Variants in GALNT1 observed in about 807,000 individuals in gnomAD.
GALNT1 encodes the protein polypeptide N-acetylgalactosaminyltransferase 1.
Under a neutral mutation model 65.7 loss-of-function variants are expected in GALNT1, and 17 were observed. The ratio of observed to expected loss-of-function variants is 0.26; its 90% CI spans 0.18 to 0.39. GALNT1 has a LOEUF of 0.39. GALNT1 is among the 10% of genes least tolerant of loss of function. The pLI, the probability that GALNT1 is intolerant of heterozygous loss-of-function variation, is 1.00. For synonymous variants in GALNT1, 210 were observed against 219.7 expected, an observed-to-expected ratio of 0.96 and a Z score of 0.39; for missense variants, 460 against 672.8, an observed-to-expected ratio of 0.68 and a Z score of 3.50.
At chr18:35,639,328 T>A (rs1027422958) in intron 1 of GALNT1, among the ~76,000 whole-genome samples, 2 of 152,120 alleles carry the variant, frequency 1.3e-5, no homozygotes, top group African/African-American at 4.8e-5. Context: ...AGCAAAAAAA[T>A]TACGATTCGC....
At chr18:35,615,710 T>C (rs2046775601) in intron 1 of GALNT1, among the ~76,000 whole-genome samples, 1 of 152,326 alleles carries the variant, frequency 6.6e-6, no homozygotes, top group Non-Finnish European at 1.5e-5. Flanking sequence ...TACGCATACA[T>C]ACGTAAGTGT....
intron 1 of GALNT1, among the ~76,000 whole-genome samples, chr18:35,584,376 T>C (rs965941168): frequency 2.0e-5 from 3 of 152,230 alleles, no homozygotes; most frequent in Non-Finnish European, 4.4e-5. Context: ...TGCAGTTATA[T>C]ACCAAGTTTT....
intron 1 of GALNT1, among the ~76,000 whole-genome samples, chr18:35,641,831 C>T (rs747129705): frequency 2.0e-4 from 31 of 152,024 alleles, no homozygotes; most frequent in African/African-American, 6.8e-4. Context: ...AACAACCATA[C>T]GTATATACTT....
chr18:35,674,785 C>T (rs575243714), intron 3 of GALNT1, among the ~76,000 whole-genome samples: 64 of 152,058 alleles, frequency 4.2e-4, no homozygotes, highest in Admixed American at 3.3e-3. Flanking sequence ...AGATTGAGAC[C>T]GTCCTGGCTA....
At chr18:35,599,465 G>A (rs2046552637) in intron 1 of GALNT1, among the ~76,000 whole-genome samples, 1 of 150,612 alleles carries the variant, frequency 6.6e-6, no homozygotes. Context: ...TGAACTCCGG[G>A]GCTCAAGTGA....
intron 3 of GALNT1, among the ~76,000 whole-genome samples, chr18:35,665,759 T>C (rs1257368468): frequency 6.6e-6 from 1 of 152,126 alleles, no homozygotes; most frequent in Non-Finnish European, 1.5e-5. Flanking sequence ...AAACTTGCAA[T>C]AAAGTGCACA....
At chr18:35,634,901 A>C (rs1336137899) in intron 1 of GALNT1, among the ~76,000 whole-genome samples, 11 of 152,194 alleles carry the variant, frequency 7.2e-5, no homozygotes, top group Non-Finnish European at 4.4e-5. Context: ...AGGCCTGTTA[A>C]CTTTTTTCCT....
chr18:35,701,649 A>G (rs1253960319), intron 9 of GALNT1, among the ~76,000 whole-genome samples: 2 of 152,170 alleles, frequency 1.3e-5, no homozygotes, highest in Non-Finnish European at 2.9e-5. Flanking sequence ...TAATTGGACA[A>G]GTTGTGGGAA....
intron 1 of GALNT1, among the ~76,000 whole-genome samples, chr18:35,642,407 G>C (rs1028204134): frequency 6.6e-6 from 1 of 152,142 alleles, no homozygotes; most frequent in African/African-American, 2.4e-5. Flanking sequence ...GTATAAATAA[G>C]GCATTGTTAA....
chr18:35,586,522 G>T (rs1193723977), intron 1 of GALNT1, among the ~76,000 whole-genome samples: 4 of 151,644 alleles, frequency 2.6e-5, no homozygotes, highest in Non-Finnish European at 4.4e-5. Context: ...AGATCCTGAA[G>T]ATTTTTCCCT....
At chr18:35,664,513 T>A in intron 3 of GALNT1, 1 of 152,290 alleles carries the variant, frequency 6.6e-6, no homozygotes, top group South Asian at 2.1e-4. Context: ...TATTGTGACA[T>A]TCTTGTTCAT....
At chr18:35,689,314 A>ATCTT in intron 7 of GALNT1, 24 bp downstream of exon 7, 2 of 1,320,986 alleles carry the variant, frequency 1.5e-6, no homozygotes, top group African/African-American at 1.5e-5. Flanking sequence ...AAAAAATTTA[A>ATCTT]TCTTTTATTT....
intron 5 of GALNT1, among the ~76,000 whole-genome samples, chr18:35,685,928 C>T (rs890523980): frequency 6.6e-6 from 1 of 152,012 alleles, no homozygotes; most frequent in Non-Finnish European, 1.5e-5. Flanking sequence ...ATTAGGCAGT[C>T]GTGGTGGTGC....
chr18:35,639,166 G>A (rs1189964694), intron 1 of GALNT1, among the ~76,000 whole-genome samples: 1 of 152,190 alleles, frequency 6.6e-6, no homozygotes, highest in Non-Finnish European at 1.5e-5. Context: ...CCATCAAACA[G>A]CATTGCATGC....
chr18:35,593,924 G>A (rs140170363), intron 1 of GALNT1, among the ~76,000 whole-genome samples: 2,341 of 152,042 alleles, frequency 0.015, 29 homozygotes, highest in African/African-American at 0.027. Context: ...TGGTCAGGCT[G>A]GCCTTGAACT....
intron 1 of GALNT1, among the ~76,000 whole-genome samples, chr18:35,619,351 C>T (rs2046823339): frequency 2.6e-5 from 4 of 152,126 alleles, no homozygotes; most frequent in Non-Finnish European, 4.4e-5. Context: ...AACCTAGTAA[C>T]ATCAGACAGT....
chr18:35,681,274 A>C (rs1423717437), intron 4 of GALNT1, among the ~76,000 whole-genome samples: 2 of 152,166 alleles, frequency 1.3e-5, no homozygotes, highest in African/African-American at 4.8e-5. Flanking sequence ...TTCTAACTAT[A>C]ATCTCTTAAC....
rs1202187282 is a variant in GALNT1 at position 35,692,247 on chromosome 18, A to C, written c.1226A>C (p.Lys409Thr). 1.2e-6 allele frequency: 2 copies of C among 1,608,916 alleles called. No homozygotes were observed. The highest frequency in any genetic ancestry group is 1.7e-5 in the Admixed American group (1 of 59,908). Residue 409 changes from lysine (K) to threonine (T), a missense_variant, in exon 9 of 12, where the codon AAA becomes ACA. Physicochemically the swap from Lys to Thr is moderately conservative, Grantham distance 78 (BLOSUM62 -1). Transcript: ENST00000269195. ...GGTCTAAGACACAAACTACAATGCA[A>C]ACCTTTTTCCTGGTACCTAGAGAAT... ...RVGLRHKLQC[K>T]PFSWYLENIY...
At chr18:35,700,389 C>G (rs2048140866) in intron 9 of GALNT1, among the ~76,000 whole-genome samples, 1 of 152,166 alleles carries the variant, frequency 6.6e-6, no homozygotes, top group South Asian at 2.1e-4. Flanking sequence ...AGGAGTGCCT[C>G]CAGGCGCCAC....
Sources: gnomAD v4.1 joint callset for allele counts (sites outside exome capture counted in the v4.1 genomes callset) on GRCh38, gnomAD v4.1.1 for gene constraint, MANE v1.5 for transcripts, NCBI Gene and HGNC (gene_info 2026-07-23, HGNC 2026-07-21) for gene names.